Variants in DMBX1 observed in about 807,000 individuals in gnomAD.
DMBX1 encodes diencephalon/mesencephalon homeobox protein 1.
In DMBX1, 7 loss-of-function variants were observed where a neutral mutation model predicts 30.4. The observed-to-expected ratio is 0.23, with a 90% CI of 0.13 to 0.43. The LOEUF (loss-of-function observed/expected upper bound fraction) is 0.43, where lower values mean the gene tolerates loss of function less well. DMBX1 is among the 20% of genes least tolerant of loss of function. The pLI is 1.00. For missense variants in DMBX1, 460 were observed against 508.5 expected (o/e 0.90, Z 0.92); for synonymous variants, 222 against 214.2 (o/e 1.04, Z -0.32).
intron 2 of DMBX1, among the ~76,000 whole-genome samples, chr1:46,505,077 A>G (rs1465507028): frequency 4.1e-5 from 6 of 148,112 alleles, no homozygotes; most frequent in African/African-American, 1.0e-4. Context: ...TTAGAATGGC[A>G]ATCATTAAAA....
At chr1:46,497,744 G>C (rs1464604852) in intron 2 of DMBX1, among the ~76,000 whole-genome samples, 2 of 152,266 alleles carry the variant, frequency 1.3e-5, no homozygotes, top group African/African-American at 4.8e-5. Flanking sequence ...GCGATGCGGG[G>C]ACATAACGGA....
Position 46,510,741 on chromosome 1 carries a change from C to T in DMBX1, c.333+87C>T. On this transcript the variant is annotated intron_variant, in intron 4 of 5. Transcript: ENST00000360032. This position sits in a 1 kb window ranked among gnomAD's most constrained non-coding sequence, Gnocchi z 4.1. ...TTGTCCAGGAGCCAGCATGTCATCC[C>T]TGTGCCAAGGTGCAACTGATCTCTC... The T allele has an allele frequency of 6.7e-7, 1 of 1,496,072 alleles. No homozygotes were observed. The highest frequency in any genetic ancestry group is 2.4e-5 in the East Asian group (1 of 42,530). 92.7% of individuals were successfully genotyped at this position (1,496,072 alleles called of 1,614,324 possible).
chr1:46,490,407 C>T (rs1434939718), intron 1 of DMBX1, among the ~76,000 whole-genome samples: 1 of 151,848 alleles, frequency 6.6e-6, no homozygotes, highest in African/African-American at 2.4e-5. Context: ...GAGACAAATC[C>T]TTCTCAGTTT....
At chr1:46,497,953 A>G (rs1288791817) in intron 2 of DMBX1, among the ~76,000 whole-genome samples, 1 of 152,194 alleles carries the variant, frequency 6.6e-6, no homozygotes, top group Non-Finnish European at 1.5e-5. Context: ...TTTTAAATAT[A>G]TAATTGATTC....
rs754466081 is a variant in DMBX1 at position 46,511,091 on chromosome 1, C to T, written c.490C>T (p.Arg164Cys). 3.1e-5 allele frequency: 50 copies of T among 1,613,984 alleles called. No homozygotes were observed. The highest frequency in any genetic ancestry group is 9.9e-5 in the South Asian group (9 of 91,088). Residue 164 changes from arginine to cysteine, a missense_variant, in exon 5 of 6, where the codon CGT becomes TGT. This residue lies in a region of DMBX1 where 334 missense variants were observed against 345.1 expected (regional missense o/e 0.97). Coordinates refer to ENST00000360032, the MANE Select transcript of DMBX1 (RefSeq NM_172225.2). ...CCAGCTGGACACTGAGCAGCCCCCACGTCTGCCTGGCAGCGACCCCCCTGC... is the reference window on the plus strand; with the variant it reads ...CCAGCTGGACACTGAGCAGCCCCCATGTCTGCCTGGCAGCGACCCCCCTGC... ...DTQLDTEQPP[R>C]LPGSDPPAEL...
In DMBX1 at chr1:46,502,888, A is replaced by G. The variant is rs997015529; in HGVS notation, c.-12-4111A>G. ...CAGCGAGACCCTGTCTCAGAAATAA[A>G]AAAAACAAAACAAAACAAAAAAACC... On this transcript the variant is annotated intron_variant, in intron 2 of 5. Coordinates refer to ENST00000360032, the MANE Select transcript of DMBX1 (RefSeq NM_172225.2). 3.3e-5 allele frequency among the ~76,000 whole-genome samples: 5 copies of G among 152,272 alleles called. No individual in the cohort carries two copies. The South Asian group carries it at 6.2e-4, about 19-fold the overall frequency.
chr1:46,511,545 T>C (rs1235086874), intron 5 of DMBX1, among the ~76,000 whole-genome samples: 1 of 152,204 alleles, frequency 6.6e-6, no homozygotes, highest in Non-Finnish European at 1.5e-5. Context: ...TTTGGAAGTA[T>C]TCCAATATTT....
rs1284359081 is a variant in DMBX1 at position 46,510,842 on chromosome 1, T to C, written c.334-93T>C. The C allele has an allele frequency of 6.5e-6, 9 of 1,379,672 alleles. No homozygotes were observed. In the African/African-American group the frequency reaches 1.0e-4, roughly 16 times the overall value. The allele number at this position is 1,379,672 out of a possible 1,614,324, so 85.5% of individuals were successfully genotyped here. ...TGCATTCCCTAGAGGGGTGGGGGGA[T>C]GTTATCACGTACATCCTCTCCCAGA... On this transcript the variant is annotated intron_variant, in intron 4 of 5. Coordinates refer to ENST00000360032, the MANE Select transcript of DMBX1 (RefSeq NM_172225.2). The surrounding 1 kb of genome is among the most constrained non-coding windows in gnomAD (Gnocchi z 4.1).
At chr1:46,506,162 A>G (rs529541166) in intron 2 of DMBX1, among the ~76,000 whole-genome samples, 16 of 152,306 alleles carry the variant, frequency 1.1e-4, no homozygotes, top group East Asian at 7.7e-4. Flanking sequence ...GGTTCAAGCA[A>G]TTATCCTGCC....
In DMBX1 at chr1:46,501,272, C is replaced by CTTTCTT. The variant is rs1557786162; in HGVS notation, c.-12-5725_-12-5724insTCTTTT. Among the ~76,000 whole-genome samples, 306 of 83,828 alleles carry CTTTCTT rather than the reference C, an allele frequency of 3.7e-3. 15 individuals carry two copies. Among genetic ancestry groups the CTTTCTT allele is most frequent in the Non-Finnish European group, 4.5e-3 (197 of 43,986 alleles). The allele number at this position is 83,828 out of a possible 152,430, so 55.0% of individuals were successfully genotyped here. On this transcript the variant is annotated intron_variant, in intron 2 of 5. Coordinates refer to ENST00000360032, the MANE Select transcript of DMBX1 (RefSeq NM_172225.2). ...TTTCTTTCTTTCTTTCTTTCTTTCT[C>CTTTCTT]TTCTTTCTTTCTTTCCTTCTCTCTT...
In DMBX1 at chr1:46,512,840, C is replaced by G. The variant is rs551327909; in HGVS notation, c.*346C>G. On this transcript the variant is annotated 3_prime_UTR_variant, in exon 6 of 6. Coordinates refer to ENST00000360032, the MANE Select transcript of DMBX1 (RefSeq NM_172225.2). This position sits in a 1 kb window ranked among gnomAD's most constrained non-coding sequence, Gnocchi z 4.8. ...ATCCTTCTGCCCCCTAGTAAGTCTA[C>G]GTGTGGAATGTGAGATATAAATATA... 9 of 282,378 alleles carry G rather than the reference C, an allele frequency of 3.2e-5. No individual in the cohort carries two copies. The highest frequency in any genetic ancestry group is 5.3e-5 in the Non-Finnish European group (8 of 150,296). 17.5% of individuals were successfully genotyped at this position (282,378 alleles called of 1,614,324 possible). A position where few individuals can be genotyped will look rare whatever the true frequency, so the allele number is the denominator to read the frequency against.
intron 2 of DMBX1, among the ~76,000 whole-genome samples, chr1:46,503,341 C>T (rs531005547): frequency 4.0e-4 from 61 of 152,264 alleles, no homozygotes; most frequent in African/African-American, 1.3e-3. Context: ...TATTCCAGTC[C>T]GACAGTAGTA....
At position 46,510,489 on chromosome 1, in the gene DMBX1, G is replaced by C; in HGVS notation, c.168G>C (p.Glu56Asp). The C allele has an allele frequency of 6.2e-7, 1 of 1,613,910 alleles. No homozygotes were observed. Among genetic ancestry groups the C allele is most frequent in the Non-Finnish European group, 8.5e-7 (1 of 1,179,988 alleles). ...GTACATTTCAAGACATCATCTTGGA[G>C]GCCCGTTATGGTTCCCAGCACCGCA... ...LAERLADIIL[E>D]ARYGSQHRKQ... Residue 56 changes from glutamate (E) to aspartate (D), a missense_variant, in exon 4 of 6, where the codon GAG becomes GAC. By Grantham distance (45) the Glu-to-Asp change is conservative (BLOSUM62 2). Transcript: ENST00000360032. The surrounding 1 kb of genome is among the most constrained non-coding windows in gnomAD (Gnocchi z 4.1).
intron 2 of DMBX1, among the ~76,000 whole-genome samples, chr1:46,506,057 T>TTTTTAA (rs1553187184): frequency 0.08 from 12,023 of 150,564 alleles, 828 homozygotes; most frequent in African/African-American, 0.19. Context: ...CTCATTTCTT[T>TTTTTAA]TTTTTATTTT....
rs568765017 is a variant in DMBX1 at position 46,490,649 on chromosome 1, G to T, written c.-147G>T. Among the ~76,000 whole-genome samples the T allele has an allele frequency of 7.4e-4, 113 of 152,380 alleles. No homozygotes were observed. Among genetic ancestry groups the T allele is most frequent in the South Asian group, 1.4e-3 (7 of 4,832 alleles). ...CTTTGGTCTCGCCCGCGCAGATCCC[G>T]TTCAAACTCAGCTGCCACCAAGTGC... On this transcript the variant is annotated 5_prime_UTR_variant, in exon 2 of 6. Transcript: ENST00000360032.
At position 46,510,792 on chromosome 1, in the gene DMBX1, G is replaced by A; in HGVS notation, c.333+138G>A. 1 of 1,354,544 alleles carries A rather than the reference G, an allele frequency of 7.4e-7. No homozygotes were observed. Among genetic ancestry groups the A allele is most frequent in the South Asian group, 1.5e-5 (1 of 68,346 alleles). The allele number at this position is 1,354,544 out of a possible 1,614,324, so 83.9% of individuals were successfully genotyped here. A position where few individuals can be genotyped will look rare whatever the true frequency, so the allele number is the denominator to read the frequency against. On this transcript the variant is annotated intron_variant, in intron 4 of 5. Coordinates refer to ENST00000360032, the MANE Select transcript of DMBX1 (RefSeq NM_172225.2). This position sits in a 1 kb window ranked among gnomAD's most constrained non-coding sequence, Gnocchi z 4.1. ...CATCAAAGCCTTCAGTGATAGGAGG[G>A]GAGTTTGGGAAGGGACAGAGGGTGT... is the stretch of plus-strand genomic sequence containing the variant.
intron 5 of DMBX1, 138 bp from the exon 6 acceptor site, chr1:46,511,905 C>A: frequency 1.1e-6 from 1 of 886,304 alleles, no homozygotes; most frequent in Non-Finnish European, 1.7e-6. Context: ...GATGCTCTGG[C>A]TGAGATGGGA....
chr1:46,494,139 C>T (rs1227754062), intron 2 of DMBX1, among the ~76,000 whole-genome samples: 1 of 152,240 alleles, frequency 6.6e-6, no homozygotes, highest in East Asian at 1.9e-4. Flanking sequence ...GAGAATCAAG[C>T]AATTACCCAG....
At chr1:46,503,599 G>C (rs1323357784) in intron 2 of DMBX1, among the ~76,000 whole-genome samples, 3 of 152,188 alleles carry the variant, frequency 2.0e-5, no homozygotes, top group Non-Finnish European at 2.9e-5. Flanking sequence ...GATTAAGGAG[G>C]CTTCTGTGAA....
Sources: allele counts gnomAD v4.1 joint callset (sites outside exome capture counted in the v4.1 genomes callset), GRCh38; gene constraint gnomAD v4.1.1; regional missense constraint gnomAD v4.1.1; non-coding constraint Gnocchi (gnomAD v3.1); transcripts MANE v1.5; gene names NCBI Gene and HGNC (gene_info 2026-07-23, HGNC 2026-07-21).